Variants in VAMP7 observed in about 807,000 individuals in gnomAD.
VAMP7 encodes vesicle-associated membrane protein 7.
A neutral mutation model predicts 29.6 loss-of-function variants in VAMP7; 14 were observed. The observed-to-expected ratio is 0.47, with a 90% CI of 0.31 to 0.74. VAMP7 has a LOEUF of 0.74. VAMP7 is among the 30% of genes least tolerant of loss of function. VAMP7 has a pLI of 0.05. For missense variants in VAMP7, 223 were observed against 262.4 expected (o/e 0.85, Z 1.04); for synonymous variants, 95 against 88.1 (o/e 1.08, Z -0.44).
intron 5 of VAMP7, among the ~76,000 whole-genome samples, chrX:155,917,270 A>T (rs183161158): frequency 6.6e-6 from 1 of 151,884 alleles, no homozygotes. Context: ...ACCTTTTTTC[A>T]AGGTCCTTAG....
intron 6 of VAMP7, among the ~76,000 whole-genome samples, chrX:155,934,273 T>C (rs1177850191): frequency 1.3e-5 from 2 of 152,202 alleles, no homozygotes; most frequent in Non-Finnish European, 2.9e-5. Flanking sequence ...TTCTGTCTCA[T>C]TGATCTGTCT....
intron 6 of VAMP7, among the ~76,000 whole-genome samples, chrX:155,934,093 A>G (rs1363514837): frequency 6.6e-6 from 1 of 152,132 alleles, no homozygotes; most frequent in Admixed American, 6.5e-5. Context: ...GTTCTTTTAC[A>G]TTTGCTGAGG....
intron 5 of VAMP7, among the ~76,000 whole-genome samples, chrX:155,919,269 C>G (rs2066359391): frequency 6.6e-6 from 1 of 152,094 alleles, no homozygotes; most frequent in Non-Finnish European, 1.5e-5. Flanking sequence ...CTGATTCAAT[C>G]CCATTACTCA....
intron 5 of VAMP7, among the ~76,000 whole-genome samples, chrX:155,907,655 A>T (rs2066165920): frequency 6.6e-6 from 1 of 151,954 alleles, no homozygotes; most frequent in Non-Finnish European, 1.5e-5. Context: ...CAAAATGAAA[A>T]GTCTCCCATG....
chrX:155,939,973 C>A (rs1168309103), intron 7 of VAMP7, among the ~76,000 whole-genome samples, 180 bp downstream of exon 7: 1 of 151,768 alleles, frequency 6.6e-6, no homozygotes, highest in Non-Finnish European at 1.5e-5. Context: ...TACTTAAACC[C>A]CTCCTTCCTA....
chrX:155,906,066 A>G (rs1400400726), intron 5 of VAMP7, among the ~76,000 whole-genome samples: 1 of 152,008 alleles, frequency 6.6e-6, no homozygotes, highest in East Asian at 1.9e-4. Context: ...TTTTCCAACA[A>G]TGTTTTGTAG....
intron 6 of VAMP7, among the ~76,000 whole-genome samples, chrX:155,928,736 G>C (rs892560588): frequency 3.3e-5 from 5 of 152,280 alleles, no homozygotes; most frequent in Admixed American, 2.6e-4. Flanking sequence ...TAGGACACAG[G>C]CATGTCTTAG....
chrX:155,929,806 G>A (rs192537170), intron 6 of VAMP7, among the ~76,000 whole-genome samples: 7 of 152,162 alleles, frequency 4.6e-5, no homozygotes, highest in Admixed American at 3.9e-4. Context: ...CACTCACGCT[G>A]GAGCCATGGC....
chrX:155,899,215 C>A (rs1010610286), intron 4 of VAMP7, among the ~76,000 whole-genome samples: 2 of 151,622 alleles, frequency 1.3e-5, no homozygotes, highest in African/African-American at 4.8e-5. Flanking sequence ...AAAAAATCAC[C>A]ACTTTTTTTT....
At chrX:155,902,632 G>A (rs1303251053) in intron 5 of VAMP7, among the ~76,000 whole-genome samples, 1 of 151,968 alleles carries the variant, frequency 6.6e-6, no homozygotes, top group East Asian at 1.9e-4. Context: ...ATAATCATGT[G>A]GTTTTTGTCT....
chrX:155,892,072 T>C (rs1220595550), intron 2 of VAMP7, among the ~76,000 whole-genome samples: 1 of 152,186 alleles, frequency 6.6e-6, no homozygotes. Context: ...CACAGCCATA[T>C]GTAGCTTTAA....
Position 155,939,937 on chromosome X carries a change from C to T in VAMP7, c.594+144C>T. ...AAACACATGACCAGGCAGTGGCTTTCCTATGAAGTCACTATGAAATATCTC... is the reference window on the plus strand; with the variant it reads ...AAACACATGACCAGGCAGTGGCTTTTCTATGAAGTCACTATGAAATATCTC... On this transcript the variant is annotated intron_variant, in intron 7 of 7. Coordinates refer to ENST00000286448, the MANE Select transcript of VAMP7 (RefSeq NM_005638.6). 2.9e-5 allele frequency: 20 copies of T among 684,280 alleles called. No homozygotes were observed. In the South Asian group the frequency reaches 3.7e-4, roughly 13 times the overall value. The allele number at this position is 684,280 out of a possible 1,614,324, so 42.4% of individuals were successfully genotyped here.
chrX:155,928,992 T>C, intron 6 of VAMP7, among the ~76,000 whole-genome samples: 1 of 152,354 alleles, frequency 6.6e-6, no homozygotes, highest in Non-Finnish European at 1.5e-5. Context: ...ATTTTCTTCA[T>C]ATGAGTTTGT....
chrX:155,909,397 T>C (rs1456986376), intron 5 of VAMP7, among the ~76,000 whole-genome samples: 1 of 152,196 alleles, frequency 6.6e-6, no homozygotes, highest in African/African-American at 2.4e-5. Context: ...TAAAGGTTTG[T>C]CAATTTTATT....
intron 5 of VAMP7, among the ~76,000 whole-genome samples, chrX:155,907,519 TC>T (rs35774097): frequency 0.58 from 86,086 of 148,002 alleles, 24,719 homozygotes; most frequent in East Asian, 0.66. Flanking sequence ...ACAAAGCACA[TC>T]TTGCACCGCC....
chrX:155,912,620 C>A (rs2066254017), intron 5 of VAMP7, among the ~76,000 whole-genome samples: 2 of 151,070 alleles, frequency 1.3e-5, no homozygotes, highest in Admixed American at 6.6e-5. Context: ...GTTTGGTTTT[C>A]TGTTCCTTTC....
At chrX:155,919,941 C>A (rs2066371892) in intron 6 of VAMP7, 61 bp downstream of exon 6, 2 of 1,303,286 alleles carry the variant, frequency 1.5e-6, no homozygotes, top group Non-Finnish European at 2.2e-6. Flanking sequence ...TGGATGATGG[C>A]TAACATAATT....
intron 2 of VAMP7, among the ~76,000 whole-genome samples, 174 bp downstream of exon 2, chrX:155,889,786 C>G (rs941053119): frequency 6.6e-5 from 10 of 151,804 alleles, no homozygotes; most frequent in Non-Finnish European, 1.5e-4. Context: ...ATAAATTTAA[C>G]TTGTAATTAT....
At chrX:155,892,741 GTATTAT>G (rs34905684) in intron 2 of VAMP7, among the ~76,000 whole-genome samples, 7 of 145,888 alleles carry the variant, frequency 4.8e-5, no homozygotes, top group African/African-American at 1.0e-4. Context: ...TTTTCACACT[GTATTAT>G]TATTATTATT....
Sources: gnomAD v4.1 joint callset for allele counts (sites outside exome capture counted in the v4.1 genomes callset) on GRCh38, gnomAD v4.1.1 for gene constraint, MANE v1.5 for transcripts, NCBI Gene and HGNC (gene_info 2026-07-23, HGNC 2026-07-21) for gene names.